TOX3: variants seen among roughly 807,000 people sequenced by gnomAD.
TOX3 encodes the protein CAG trinucleotide repeat-containing gene F9 protein.
In TOX3, 22 loss-of-function variants were observed where a neutral mutation model predicts 64.3. The observed-to-expected ratio is 0.34, with a 90% CI of 0.24 to 0.49. TOX3 has a LOEUF of 0.49. TOX3 is among the 20% of genes least tolerant of loss of function. TOX3 has a pLI of 0.99. For synonymous variants in TOX3, 291 were observed against 273.6 expected (o/e 1.06, Z -0.63); for missense variants, 661 against 714.4 (o/e 0.93, Z 0.85).
intron 5 of TOX3, chr16:52,445,480 A>T (rs560259872): frequency 6.6e-6 from 1 of 152,642 alleles, no homozygotes; most frequent in East Asian, 1.9e-4. Context: ...AGCATGGCTA[A>T]TTTCTGAATA....
chr16:52,442,397 A>G (rs1960024580), intron 6 of TOX3, among the ~76,000 whole-genome samples: 1 of 152,168 alleles, frequency 6.6e-6, no homozygotes. Flanking sequence ...GGGCACAAAG[A>G]TCGACTTCAT....
intron 1 of TOX3, among the ~76,000 whole-genome samples, chr16:52,489,760 A>G (rs1321775808): frequency 6.6e-6 from 1 of 152,044 alleles, no homozygotes; most frequent in East Asian, 1.9e-4. Flanking sequence ...GCTTATCTTT[A>G]CCAATCTCAG....
At chr16:52,525,437 A>G (rs1276238416) in intron 1 of TOX3, among the ~76,000 whole-genome samples, 3 of 152,230 alleles carry the variant, frequency 2.0e-5, no homozygotes, top group Non-Finnish European at 4.4e-5. Flanking sequence ...ACTTGCTAAG[A>G]GCATGCATCC....
intron 1 of TOX3, among the ~76,000 whole-genome samples, chr16:52,536,557 T>G (rs1202010115): frequency 4.8e-5 from 7 of 145,236 alleles, no homozygotes; most frequent in African/African-American, 1.8e-4. Context: ...TCAATTCCCA[T>G]GCCCATACAT....
At position 52,439,583 on chromosome 16, in the gene TOX3, T is replaced by C; in HGVS notation, c.1373A>G (p.Gln458Arg). The C allele has an allele frequency of 1.3e-6, 2 of 1,584,094 alleles. No individual in the cohort carries two copies. Among genetic ancestry groups the C allele is most frequent in the Non-Finnish European group, 1.7e-6 (2 of 1,159,730 alleles). The change falls in exon 7 of 7, where the codon CAG (glutamine) becomes CGG (arginine). Residue 458 changes from glutamine to arginine, a missense_variant. Gln to Arg is a conservative substitution (Grantham distance 43). Coordinates refer to ENST00000219746, the MANE Select transcript of TOX3 (RefSeq NM_001080430.4). ...CTGCTGGAGTTGCTGCTGCTGCATC[T>C]GTTGCATCTGTTGTTGTTGCTGCTG... Reference protein sequence around the residue: ...QQQQQQQQMQQMQQQQLQQHQ... With the variant: ...QQQQQQQQMQRMQQQQLQQHQ...
chr16:52,479,975 T>C (rs1961321770), intron 1 of TOX3, among the ~76,000 whole-genome samples: 1 of 152,214 alleles, frequency 6.6e-6, no homozygotes, highest in Non-Finnish European at 1.5e-5. Flanking sequence ...CTAGCTGGAC[T>C]GGATTCTCCT....
intron 1 of TOX3, among the ~76,000 whole-genome samples, chr16:52,510,817 G>T (rs1427271025): frequency 3.3e-5 from 5 of 150,008 alleles, no homozygotes; most frequent in Admixed American, 2.7e-4. Context: ...TTTGTCTTCT[G>T]GCTCTCTCCC....
At chr16:52,468,474 A>T (rs921053798) in intron 2 of TOX3, 35 bp downstream of exon 2, 7 of 1,592,364 alleles carry the variant, frequency 4.4e-6, no homozygotes, top group Admixed American at 1.7e-5. Context: ...AATAACACAA[A>T]AAACAGGAAC....
chr16:52,532,367 T>C (rs1015808008), intron 1 of TOX3, among the ~76,000 whole-genome samples: 2 of 152,194 alleles, frequency 1.3e-5, no homozygotes, highest in Non-Finnish European at 2.9e-5. Flanking sequence ...AGGGTTCTTG[T>C]GTACTTTCCT....
intron 1 of TOX3, among the ~76,000 whole-genome samples, chr16:52,485,246 G>GTATATATATATATATATA (rs34195222): frequency 2.6e-4 from 33 of 127,856 alleles, no homozygotes; most frequent in African/African-American, 1.1e-3. Flanking sequence ...ATGTGTGTGT[G>GTATATATATATATATATA]TATATATATA....
intron 1 of TOX3, chr16:52,519,423 T>C: frequency 3.9e-6 from 6 of 1,551,478 alleles, no homozygotes; most frequent in South Asian, 1.2e-5. Flanking sequence ...TAGGTAGTTA[T>C]CAGGTAATGA....
At chr16:52,546,574 C>A (rs1157273584) in intron 1 of TOX3, 63 bp downstream of exon 1, 14 of 1,468,820 alleles carry the variant, frequency 9.5e-6, no homozygotes, top group Non-Finnish European at 1.2e-5. Context: ...AGCCCGAGCG[C>A]GGGGCGCGCC....
intron 1 of TOX3, among the ~76,000 whole-genome samples, chr16:52,503,905 A>G (rs1392314793): frequency 1.3e-5 from 2 of 152,222 alleles, no homozygotes; most frequent in Admixed American, 1.3e-4. Context: ...TTAAATAAAT[A>G]CATCATTCCG....
chr16:52,534,695 A>G (rs1366881508), intron 1 of TOX3, among the ~76,000 whole-genome samples: 5 of 152,142 alleles, frequency 3.3e-5, no homozygotes, highest in Non-Finnish European at 1.5e-5. Context: ...TGGGAACAAG[A>G]TTCTCAGTGG....
chr16:52,474,538 G>A (rs1468754477), intron 1 of TOX3, among the ~76,000 whole-genome samples: 1 of 151,840 alleles, frequency 6.6e-6, no homozygotes. Context: ...GATTGCTTGA[G>A]CCCAGGAGTT....
intron 1 of TOX3, among the ~76,000 whole-genome samples, chr16:52,530,348 T>A (rs929270606): frequency 3.3e-5 from 5 of 152,070 alleles, no homozygotes; most frequent in African/African-American, 7.2e-5. Context: ...CCACTTTTTT[T>A]TTTTTTGAGA....
chr16:52,439,799 T>G lies in TOX3; in HGVS notation c.1157A>C (p.Lys386Thr). 4 of 1,613,836 alleles carry G rather than the reference T, an allele frequency of 2.5e-6. No individual in the cohort carries two copies. Among genetic ancestry groups the G allele is most frequent in the Non-Finnish European group, 3.4e-6 (4 of 1,179,850 alleles). ...CATGGGGAGTCTCATGGTTAAGGGT[T>G]TGGGAGCGATTGACCTAGGGAGGGA... ...QQSLPRSIAP[K>T]PLTMRLPMNQ... Residue 386 changes from lysine to threonine, a missense_variant, in exon 7 of 7, where the codon AAA becomes ACA. Physicochemically the swap from Lys to Thr is moderately conservative, Grantham distance 78. This residue lies in a region of TOX3 where 299 missense variants were observed against 292.1 expected (regional missense o/e 1.02). Coordinates refer to ENST00000219746, the MANE Select transcript of TOX3 (RefSeq NM_001080430.4).
At chr16:52,513,272 A>G (rs975083980) in intron 1 of TOX3, among the ~76,000 whole-genome samples, 1 of 152,218 alleles carries the variant, frequency 6.6e-6, no homozygotes, top group Non-Finnish European at 1.5e-5. Flanking sequence ...AACAGGTAAT[A>G]CAATGTTACT....
At chr16:52,454,856 T>C (rs1414360453) in intron 3 of TOX3, among the ~76,000 whole-genome samples, 1 of 152,256 alleles carries the variant, frequency 6.6e-6, no homozygotes, top group Non-Finnish European at 1.5e-5. Context: ...CAACATAATG[T>C]AGGCCAGAAT....
Sources: gnomAD v4.1 joint callset for allele counts (sites outside exome capture counted in the v4.1 genomes callset) on GRCh38, gnomAD v4.1.1 for gene constraint, gnomAD v4.1.1 regional missense constraint, MANE v1.5 for transcripts, NCBI Gene and HGNC (gene_info 2026-07-23, HGNC 2026-07-21) for gene names.